The following AMPH variants were observed in gnomAD, a reference collection of about 807,000 sequenced individuals.
AMPH encodes amphiphysin, also known as amphiphysin (Stiff-Mann syndrome with breast cancer 128kD autoantigen).
Under a neutral mutation model 99.1 loss-of-function variants are expected in AMPH, and 49 were observed. The ratio of observed to expected loss-of-function variants is 0.49; its 90% confidence interval spans 0.39 to 0.63. AMPH has a LOEUF of 0.63. Among genes scored for constraint, AMPH ranks in the 20% least tolerant of loss-of-function variants. AMPH has a pLI of 0.00. For missense variants in AMPH, 759 were observed against 863.4 expected (o/e 0.88, Z 1.52); for synonymous variants, 314 against 317.3 (o/e 0.99, Z 0.11).
intron 11 of AMPH, among the ~76,000 whole-genome samples, chr7:38,439,140 T>C (rs1317959982): frequency 6.6e-6 from 1 of 152,182 alleles, no homozygotes; most frequent in East Asian, 1.9e-4. Flanking sequence ...GTGCCTTGCT[T>C]CCCCATAACC....
At chr7:38,447,105 C>T (rs571891346) in intron 11 of AMPH, among the ~76,000 whole-genome samples, 5 of 152,032 alleles carry the variant, frequency 3.3e-5, no homozygotes, top group Non-Finnish European at 7.4e-5. Flanking sequence ...CTGCAACCTC[C>T]GCCTCCTGGG....
intron 11 of AMPH, among the ~76,000 whole-genome samples, chr7:38,451,526 G>C: frequency 6.6e-6 from 1 of 152,000 alleles, no homozygotes; most frequent in South Asian, 2.1e-4. Flanking sequence ...TTCTTAAAGT[G>C]TTTTACCAAA....
intron 5 of AMPH, among the ~76,000 whole-genome samples, 163 bp from the exon 6 acceptor site, chr7:38,477,132 G>A (rs1453731770): frequency 6.6e-6 from 1 of 152,020 alleles, no homozygotes; most frequent in East Asian, 1.9e-4. Flanking sequence ...CTGAAAATCA[G>A]ATGAACACCT....
At chr7:38,455,273 G>GTTGGTCAGAC (rs1286865396) in intron 11 of AMPH, among the ~76,000 whole-genome samples, 5 of 152,136 alleles carry the variant, frequency 3.3e-5, no homozygotes, top group African/African-American at 9.6e-5. Flanking sequence ...GTTTCCCCTT[G>GTTGGTCAGAC]TTGGTCAGAC....
intron 8 of AMPH, among the ~76,000 whole-genome samples, chr7:38,465,754 A>T (rs1257865854): frequency 6.6e-6 from 1 of 152,216 alleles, no homozygotes; most frequent in Non-Finnish European, 1.5e-5. Context: ...AGTAAACTAA[A>T]TATATATGTA....
At position 38,450,892 on chromosome 7, in the gene AMPH, T is replaced by C. The variant is rs1266550147; in HGVS notation, c.1017+10391A>G. Among the ~76,000 whole-genome samples, 3 of 144,338 alleles carry C rather than the reference T, an allele frequency of 2.1e-5. No homozygotes were observed. The Admixed American group carries it at 2.1e-4, about 10-fold the overall frequency. 94.7% of individuals were successfully genotyped at this position (144,338 alleles called of 152,430 possible). ...GAAGAAAAGCCAATCCAAAACACTT[T>C]CTTTTTTTTTTTTTTGAGACAGGGT... On this transcript the variant is annotated intron_variant, in intron 11 of 20. Transcript: ENST00000356264.
intron 2 of AMPH, among the ~76,000 whole-genome samples, chr7:38,510,889 T>C (rs896370204): frequency 6.6e-6 from 1 of 152,180 alleles, no homozygotes; most frequent in Admixed American, 6.5e-5. Context: ...TTCACTAGTT[T>C]TTCTCAAAGT....
chr7:38,395,418 A>G (rs1025126074), intron 17 of AMPH, among the ~76,000 whole-genome samples: 1 of 152,266 alleles, frequency 6.6e-6, no homozygotes, highest in Non-Finnish European at 1.5e-5. Flanking sequence ...TTTCTAAGGT[A>G]GAAACACAGA....
intron 14 of AMPH, chr7:38,428,515 T>C (rs995089096): frequency 4.4e-5 from 20 of 456,614 alleles, no homozygotes; most frequent in Non-Finnish European, 7.9e-5. Flanking sequence ...TTTAACACAG[T>C]CTCACACTGA....
chr7:38,400,599 A>C (rs1784814406), intron 17 of AMPH, among the ~76,000 whole-genome samples: 1 of 152,256 alleles, frequency 6.6e-6, no homozygotes, highest in Non-Finnish European at 1.5e-5. Context: ...TCCTGCTATG[A>C]GATGGTGCTA....
At chr7:38,566,053 C>G (rs980564367) in intron 1 of AMPH, among the ~76,000 whole-genome samples, 1 of 152,066 alleles carries the variant, frequency 6.6e-6, no homozygotes, top group Non-Finnish European at 1.5e-5. Context: ...CTTCCTAAGT[C>G]CCCCACCACC....
At chr7:38,569,496 T>C (rs755227289) in intron 1 of AMPH, among the ~76,000 whole-genome samples, 16 of 151,802 alleles carry the variant, frequency 1.1e-4, no homozygotes, top group Non-Finnish European at 1.3e-4. Context: ...ATAGAAGTAC[T>C]TGCCGTTAGT....
chr7:38,497,559 G>A (rs1788977664), intron 3 of AMPH, among the ~76,000 whole-genome samples: 2 of 152,092 alleles, frequency 1.3e-5, no homozygotes, highest in Non-Finnish European at 2.9e-5. Flanking sequence ...TACTTTATAA[G>A]TACTCCTTGC....
At chr7:38,492,713 G>A (rs1788770598) in intron 4 of AMPH, among the ~76,000 whole-genome samples, 1 of 152,104 alleles carries the variant, frequency 6.6e-6, no homozygotes, top group African/African-American at 2.4e-5. Flanking sequence ...AAAAAACCGG[G>A]CAGCTGCAAG....
At chr7:38,499,705 A>G (rs1247237511) in intron 3 of AMPH, among the ~76,000 whole-genome samples, 1 of 152,186 alleles carries the variant, frequency 6.6e-6, no homozygotes, top group Non-Finnish European at 1.5e-5. Flanking sequence ...ATTATGATCT[A>G]CTTAAGGCAT....
At chr7:38,443,699 T>C (rs918732656) in intron 11 of AMPH, among the ~76,000 whole-genome samples, 2 of 152,098 alleles carry the variant, frequency 1.3e-5, no homozygotes, top group African/African-American at 4.8e-5. Flanking sequence ...ACTTCCTCAA[T>C]CTGATAAAAG....
intron 1 of AMPH, among the ~76,000 whole-genome samples, chr7:38,611,037 T>C (rs1311794845): frequency 1.3e-5 from 2 of 152,208 alleles, no homozygotes; most frequent in Non-Finnish European, 2.9e-5. Flanking sequence ...TGTGGCATTA[T>C]TCACAATAGA....
At chr7:38,441,368 C>A (rs1204888092) in intron 11 of AMPH, among the ~76,000 whole-genome samples, 3 of 152,056 alleles carry the variant, frequency 2.0e-5, no homozygotes, top group Non-Finnish European at 4.4e-5. Flanking sequence ...AACACTGTGA[C>A]TAAATTTGAC....
chr7:38,609,385 C>T lies in AMPH; in HGVS notation c.69+21898G>A, dbSNP rs147198958. ...GCATCTGCTAAGCCTCCCCACCATGCTTGATTATACCTAGAAATCCTCCTG... is the reference window on the plus strand; with the variant it reads ...GCATCTGCTAAGCCTCCCCACCATGTTTGATTATACCTAGAAATCCTCCTG... On this transcript the variant is annotated intron_variant, in intron 1 of 20. Transcript: ENST00000356264. Among the ~76,000 whole-genome samples, 1,461 of 152,264 alleles carry T rather than the reference C, an allele frequency of 9.6e-3. 16 individuals carry two copies. Among genetic ancestry groups the T allele is most frequent in the South Asian group, 0.015 (71 of 4,832 alleles).
Sources: allele counts gnomAD v4.1 joint callset (sites outside exome capture counted in the v4.1 genomes callset), GRCh38; gene constraint gnomAD v4.1.1; transcripts MANE v1.5; gene names NCBI Gene and HGNC (gene_info 2026-07-23, HGNC 2026-07-21).